FSIP2: variants seen among roughly 807,000 people sequenced by gnomAD.
FSIP2 encodes fibrous sheath-interacting protein 2.
A neutral mutation model predicts 510.5 loss-of-function variants in FSIP2; 367 were observed. The ratio of observed to expected loss-of-function variants is 0.72; its 90% CI spans 0.66 to 0.78. FSIP2 has a LOEUF of 0.78. FSIP2 is among the 30% of genes least tolerant of loss of function. The probability of loss-of-function intolerance (pLI) is 0.00; values close to 1 mark genes in which losing one functional copy is unlikely to be tolerated. For synonymous variants in FSIP2, 2,601 were observed against 2,732.2 expected (o/e 0.95, Z 1.50); for missense variants, 7,594 against 7,901.7 (o/e 0.96, Z 1.48).
chr2:185,759,511 T>C (rs1692307612), intron 9 of FSIP2, among the ~76,000 whole-genome samples: 1 of 145,470 alleles, frequency 6.9e-6, no homozygotes, highest in Non-Finnish European at 1.5e-5. Context: ...ATTTACAGTA[T>C]ATAATATATA....
chr2:185,756,402 A>T (rs1692247599), intron 9 of FSIP2, 124 bp downstream of exon 9: 1 of 415,166 alleles, frequency 2.4e-6, no homozygotes, highest in African/African-American at 2.0e-5. Context: ...CAAATAACTG[A>T]TTTTGAGTGA....
chr2:185,763,406 T>C (rs1692395332), intron 12 of FSIP2, 117 bp downstream of exon 12: 1 of 631,172 alleles, frequency 1.6e-6, no homozygotes. Context: ...CTTTATTCCC[T>C]GAAATTAGTC....
At chr2:185,771,184 G>A (rs149896489) in intron 13 of FSIP2, among the ~76,000 whole-genome samples, 2,215 of 152,324 alleles carry the variant, frequency 0.015, 39 homozygotes, top group African/African-American at 0.05. Flanking sequence ...GCAAGCTGCT[G>A]GTGGCTGTAC....
chr2:185,801,685 CTA>C lies in FSIP2; in HGVS notation c.12380_12381del (p.Leu4127ProfsTer8). ...AAGTAACCTAACAGAATTTACTTCT[CTA>C]CCCAGGTCTTCATCAGACTATAGTA... Reference protein sequence around the residue: ...LQSNLTEFTSLPRSSSDYSTM... With the variant: ...LQSNLTEFTSXPRSSSDYSTM... On this transcript the variant is annotated frameshift_variant, in exon 17 of 23. Coordinates refer to ENST00000424728, the MANE Select transcript of FSIP2 (RefSeq NM_173651.4). LOFTEE classifies it high-confidence loss of function. 1 of 1,525,652 alleles carries C rather than the reference CTA, an allele frequency of 6.6e-7. No individual in the cohort carries two copies. Among genetic ancestry groups the C allele is most frequent in the Non-Finnish European group, 8.8e-7 (1 of 1,142,632 alleles). 94.5% of individuals were successfully genotyped at this position (1,525,652 alleles called of 1,614,324 possible).
chr2:185,749,381 C>T (rs1186783397), intron 7 of FSIP2, among the ~76,000 whole-genome samples: 2 of 151,810 alleles, frequency 1.3e-5, no homozygotes, highest in Non-Finnish European at 2.9e-5. Flanking sequence ...ATAAATTCAT[C>T]CCTAGGTATT....
intron 13 of FSIP2, among the ~76,000 whole-genome samples, chr2:185,766,887 T>C (rs1459530825): frequency 5.6e-5 from 7 of 124,552 alleles, no homozygotes; most frequent in African/African-American, 2.1e-4. Flanking sequence ...ATTGTGGCAT[T>C]ATTCACAATA....
rs375045771 is a variant in FSIP2, at chr2:185,794,051, G to A, written c.6915G>A (p.Val2305=). ...NDSIFYDSSQ[V]ESDVNVLKIS... is the part of the protein sequence containing the mutation. ...GCATCTTTTATGATTCAAGCCAAGT[G>A]GAATCAGATGTAAATGTCCTGAAAA... Residue 2305 remains valine (V), a synonymous_variant, in exon 16 of 23, where the codon GTG becomes GTA. Transcript: ENST00000424728. 9.3e-5 allele frequency: 142 copies of A among 1,533,290 alleles called. 1 individual carries two copies. In the African/African-American group the frequency reaches 1.8e-3, roughly 20 times the overall value. The allele number at this position is 1,533,290 out of a possible 1,614,324, so 95.0% of individuals were successfully genotyped here. A position where few individuals can be genotyped will look rare whatever the true frequency, so the allele number is the denominator to read the frequency against.
intron 17 of FSIP2, among the ~76,000 whole-genome samples, chr2:185,811,170 A>G (rs1309328203): frequency 1.3e-5 from 2 of 152,024 alleles, no homozygotes; most frequent in Non-Finnish European, 2.9e-5. Flanking sequence ...GCAGAGCATA[A>G]AAGTTTGGAA....
At chr2:185,743,711 T>TCGA (rs1359991021) in intron 3 of FSIP2, among the ~76,000 whole-genome samples, 19 of 152,210 alleles carry the variant, frequency 1.2e-4, no homozygotes, top group Non-Finnish European at 2.5e-4. Context: ...TAGAGTATAT[T>TCGA]CTTATTGGAG....
chr2:185,807,239 T>C lies in FSIP2; in HGVS notation c.17933T>C (p.Leu5978Pro). ...GTTTCAGTTTCAGCATGTTTGCCTC[T>C]GGAATCTAAGGATGTTGTTAAAAAG... Reference protein sequence around the residue: ...DEVSVSACLPLESKDVVKKVQ... With the variant: ...DEVSVSACLPPESKDVVKKVQ... Residue 5978 changes from leucine to proline, a missense_variant, in exon 17 of 23, where the codon CTG (leucine) becomes CCG (proline). Coordinates refer to ENST00000424728, the MANE Select transcript of FSIP2 (RefSeq NM_173651.4). 1 of 1,607,950 alleles carries C rather than the reference T, an allele frequency of 6.2e-7. No homozygotes were observed. The highest frequency in any genetic ancestry group is 8.5e-7 in the Non-Finnish European group (1 of 1,178,056).
Position 185,802,654 on chromosome 2 carries a change from TCTA to T in FSIP2, c.13351_13353del (p.Thr4451del). ...GGACATCCTTAGTAACATCAGTAAA[TCTA>T]CTGAGCCAAGCCAGAGTGTACCTCT... On this transcript the variant is annotated inframe_deletion, in exon 17 of 23. Coordinates refer to ENST00000424728, the MANE Select transcript of FSIP2 (RefSeq NM_173651.4). The T allele has an allele frequency of 6.5e-7, 1 of 1,533,766 alleles. No individual in the cohort carries two copies.
intron 22 of FSIP2, among the ~76,000 whole-genome samples, chr2:185,832,839 T>G (rs966007767): frequency 2.6e-5 from 4 of 151,918 alleles, no homozygotes; most frequent in African/African-American, 4.8e-5. Flanking sequence ...CTGTATAGAG[T>G]TGAAAGTTAA....
chr2:185,803,639 A>T lies in FSIP2; in HGVS notation c.14333A>T (p.Gln4778Leu). The T allele has an allele frequency of 1.3e-6, 2 of 1,529,090 alleles. No individual in the cohort carries two copies. Among genetic ancestry groups the T allele is most frequent in the Non-Finnish European group, 1.7e-6 (2 of 1,143,468 alleles). The allele number at this position is 1,529,090 out of a possible 1,614,324, so 94.7% of individuals were successfully genotyped here. The change falls in exon 17 of 23, where the codon CAA becomes CTA. Residue 4778 changes from glutamine (Q) to leucine (L), a missense_variant. Coordinates refer to ENST00000424728, the MANE Select transcript of FSIP2 (RefSeq NM_173651.4). The part of the protein sequence containing the change: ...VQYDISKSRF[Q>L]RQASTMYTTM... ...TATGATATAAGTAAATCAAGATTCC[A>T]AAGACAAGCTTCAACAATGTATACC...
chr2:185,754,683 AG>A (rs1692208681), intron 8 of FSIP2, among the ~76,000 whole-genome samples: 1 of 151,526 alleles, frequency 6.6e-6, no homozygotes, highest in South Asian at 2.1e-4. Context: ...ATCAGCATCT[AG>A]AGTTCAGTCT....
chr2:185,784,738 G>A (rs1692927943), intron 14 of FSIP2, among the ~76,000 whole-genome samples: 1 of 152,000 alleles, frequency 6.6e-6, no homozygotes, highest in Non-Finnish European at 1.5e-5. Context: ...AAAACCCACT[G>A]CTATTACCTA....
rs771940473 is a variant in FSIP2 at position 185,797,096 on chromosome 2, C to G, written c.9960C>G (p.Thr3320=). Residue 3320 remains threonine (T), a synonymous_variant, in exon 16 of 23, where the codon ACC becomes ACG. Transcript: ENST00000424728. ...PVVEPNQIQT[T]ISPLKICLAA... ...TTGAACCAAACCAAATTCAGACAAC[C>G]ATTTCCCCTCTCAAAATATGTTTAG... 2 of 1,535,108 alleles carry G rather than the reference C, an allele frequency of 1.3e-6. No individual in the cohort carries two copies. The highest frequency in any genetic ancestry group is 1.4e-5 in the African/African-American group (1 of 73,036).
intron 7 of FSIP2, among the ~76,000 whole-genome samples, chr2:185,750,390 G>A (rs1692117119): frequency 6.6e-6 from 1 of 151,296 alleles, no homozygotes; most frequent in Non-Finnish European, 1.5e-5. Flanking sequence ...CTGATTTGTG[G>A]GATTTATTGA....
chr2:185,828,403 T>C lies in FSIP2; in HGVS notation c.20517+204T>C, dbSNP rs74627898. Among the ~76,000 whole-genome samples, 25 of 151,978 alleles carry C rather than the reference T, an allele frequency of 1.6e-4. No homozygotes were observed. In the East Asian group the frequency reaches 4.7e-3, roughly 28 times the overall value. ...ATTAAAATATGTTAACAAAATCCTT[T>C]GGGTTAAGTCAGCATTCCTTGTTTA... is the stretch of plus-strand genomic sequence containing the variant. On this transcript the variant is annotated intron_variant, in intron 21 of 22. Coordinates refer to ENST00000424728, the MANE Select transcript of FSIP2 (RefSeq NM_173651.4).
Position 185,808,064 on chromosome 2 carries a change from T to C in FSIP2, c.18758T>C (p.Val6253Ala). ...VADNATIENI[V>A]NSIYTSVLKH... ...GATAATGCAACTATTGAAAACATAG[T>C]TAATTCTATTTATACCAGTGTTTTA... Residue 6253 changes from valine to alanine, a missense_variant, in exon 17 of 23, where the codon GTT becomes GCT. Physicochemically the swap from Val to Ala is moderately conservative, Grantham distance 64. Transcript: ENST00000424728. The C allele has an allele frequency of 6.2e-7, 1 of 1,609,240 alleles. No homozygotes were observed. The highest frequency in any genetic ancestry group is 1.1e-5 in the South Asian group (1 of 89,932).
Sources: allele counts gnomAD v4.1 joint callset (sites outside exome capture counted in the v4.1 genomes callset), GRCh38; gene constraint gnomAD v4.1.1; transcripts MANE v1.5; gene names NCBI Gene and HGNC (gene_info 2026-07-23, HGNC 2026-07-21).